Variants in MTDH observed in about 807,000 individuals in gnomAD.
The protein encoded by MTDH is protein LYRIC.
Under a neutral mutation model 72.7 loss-of-function variants are expected in MTDH, and 34 were observed. That is an observed-to-expected ratio of 0.47 (90% CI 0.36 to 0.62). The LOEUF is 0.62. Among genes scored for constraint, MTDH ranks in the 20% least tolerant of loss-of-function variants. The probability of loss-of-function intolerance (pLI) is 0.00; values close to 1 mark genes in which losing one functional copy is unlikely to be tolerated. For synonymous variants in MTDH, 266 were observed against 268.9 expected, an observed-to-expected ratio of 0.99 and a Z score of 0.10; for missense variants, 677 against 699.4, an observed-to-expected ratio of 0.97 and a Z score of 0.36.
intron 2 of MTDH, among the ~76,000 whole-genome samples, chr8:97,679,606 T>A (rs1375971738): frequency 2.0e-5 from 3 of 152,212 alleles, no homozygotes; most frequent in African/African-American, 7.2e-5. Context: ...ATGAATGCAT[T>A]TAGAAGATAT....
At chr8:97,694,775 T>C (rs1416716841) in intron 6 of MTDH, among the ~76,000 whole-genome samples, 1 of 151,858 alleles carries the variant, frequency 6.6e-6, no homozygotes, top group Non-Finnish European at 1.5e-5. Context: ...TACAAAAAAA[T>C]CGCTGGGCAT....
chr8:97,687,647 C>T, intron 4 of MTDH, 42 bp downstream of exon 4: 1 of 1,457,972 alleles, frequency 6.9e-7, no homozygotes, highest in Non-Finnish European at 9.2e-7. Context: ...TCAAATCAAA[C>T]TCCTTTTATT....
At position 97,725,908 on chromosome 8, in the gene MTDH, C is replaced by T. The variant is rs1278771777; in HGVS notation, c.*1238C>T. 4 of 152,452 alleles carry T rather than the reference C, an allele frequency of 2.6e-5. No individual in the cohort carries two copies. The highest frequency in any genetic ancestry group is 5.9e-5 in the Non-Finnish European group (4 of 68,016). 9.4% of individuals were successfully genotyped at this position (152,452 alleles called of 1,614,324 possible). A position where few individuals can be genotyped will look rare whatever the true frequency, so the allele number is the denominator to read the frequency against. ...TACACTGTAAATAGCCTTTACCAAA[C>T]GTGTTTGACAAGGACCATAATTAAC... On this transcript the variant is annotated 3_prime_UTR_variant, in exon 12 of 12. Coordinates refer to ENST00000336273, the MANE Select transcript of MTDH (RefSeq NM_178812.4).
chr8:97,680,798 T>A (rs1350443627), intron 2 of MTDH, among the ~76,000 whole-genome samples: 1 of 152,220 alleles, frequency 6.6e-6, no homozygotes, highest in Non-Finnish European at 1.5e-5. Context: ...TAATTTCAAA[T>A]GCTAGACAGG....
At chr8:97,671,211 C>G (rs1023772004) in intron 2 of MTDH, among the ~76,000 whole-genome samples, 6 of 152,024 alleles carry the variant, frequency 3.9e-5, no homozygotes, top group East Asian at 1.9e-4. Flanking sequence ...AGGTGATCCT[C>G]GTGTCTCGGC....
At chr8:97,692,238 TTA>T (rs2131012789) in intron 6 of MTDH, among the ~76,000 whole-genome samples, 1 of 152,376 alleles carries the variant, frequency 6.6e-6, no homozygotes, top group East Asian at 1.9e-4. Flanking sequence ...ATATGCATGT[TTA>T]TGTCTCCCCT....
intron 2 of MTDH, among the ~76,000 whole-genome samples, chr8:97,674,415 T>G (rs1160669017): frequency 6.6e-6 from 1 of 152,220 alleles, no homozygotes; most frequent in Non-Finnish European, 1.5e-5. Flanking sequence ...ACAAGGTTAC[T>G]AAGATGGAGA....
chr8:97,644,431 C>T lies in MTDH; in HGVS notation c.-76C>T. 6.7e-7 allele frequency: 1 copy of T among 1,491,976 alleles called. No individual in the cohort carries two copies. Among genetic ancestry groups the T allele is most frequent in the Non-Finnish European group, 8.9e-7 (1 of 1,129,218 alleles). 92.4% of individuals were successfully genotyped at this position (1,491,976 alleles called of 1,614,324 possible). A position where few individuals can be genotyped will look rare whatever the true frequency, so the allele number is the denominator to read the frequency against. On this transcript the variant is annotated 5_prime_UTR_variant, in exon 1 of 12. Coordinates refer to ENST00000336273, the MANE Select transcript of MTDH (RefSeq NM_178812.4). ...CCTGAGGTTACCCGGCCCGGCCCTT[C>T]CTCGCTTCCCTCGACTATTCCACTG... is the stretch of plus-strand genomic sequence containing the variant.
chr8:97,718,726 A>G (rs533685829), intron 9 of MTDH, among the ~76,000 whole-genome samples: 1 of 148,802 alleles, frequency 6.7e-6, no homozygotes, highest in Non-Finnish European at 1.5e-5. Context: ...TTTTTCTTTG[A>G]GACAGAATCA....
At chr8:97,660,253 A>G (rs1812126172) in intron 1 of MTDH, among the ~76,000 whole-genome samples, 2 of 152,236 alleles carry the variant, frequency 1.3e-5, no homozygotes, top group Non-Finnish European at 2.9e-5. Context: ...AGTGCTATCC[A>G]TCATTTTATT....
intron 2 of MTDH, 57 bp downstream of exon 2, chr8:97,661,230 G>T: frequency 8.0e-7 from 1 of 1,254,108 alleles, no homozygotes; most frequent in Non-Finnish European, 1.1e-6. Flanking sequence ...TGACATATAA[G>T]GATAATGCTT....
chr8:97,713,831 T>C, intron 9 of MTDH, 62 bp downstream of exon 9: 3 of 895,440 alleles, frequency 3.4e-6, no homozygotes, highest in Non-Finnish European at 4.9e-6. Flanking sequence ...GAAAAGATTA[T>C]GTACAGATGT....
At chr8:97,672,784 GA>G (rs1738144012) in intron 2 of MTDH, among the ~76,000 whole-genome samples, 1 of 152,212 alleles carries the variant, frequency 6.6e-6, no homozygotes, top group Non-Finnish European at 1.5e-5. Context: ...GGGAATGTGA[GA>G]ACCGTATCTG....
At chr8:97,647,800 C>A (rs1811621649) in intron 1 of MTDH, among the ~76,000 whole-genome samples, 1 of 152,056 alleles carries the variant, frequency 6.6e-6, no homozygotes, top group African/African-American at 2.4e-5. Context: ...ATGCTTGGGC[C>A]AGGCACAGTG....
intron 6 of MTDH, among the ~76,000 whole-genome samples, chr8:97,694,959 C>G (rs912006228): frequency 6.6e-6 from 1 of 152,002 alleles, no homozygotes. Flanking sequence ...TAAATTCCCA[C>G]TCTCATTTTT....
chr8:97,666,553 A>G (rs575291344), intron 2 of MTDH, among the ~76,000 whole-genome samples: 1 of 152,296 alleles, frequency 6.6e-6, no homozygotes, highest in African/African-American at 2.4e-5. Flanking sequence ...CCTGAAGGCA[A>G]AACTATTTTC....
intron 9 of MTDH, 131 bp downstream of exon 9, chr8:97,713,900 C>T (rs990443403): frequency 8.6e-6 from 4 of 462,924 alleles, no homozygotes; most frequent in Non-Finnish European, 1.5e-5. Flanking sequence ...AAATCATAGA[C>T]TGTTTTACAT....
chr8:97,661,029 G>A (rs770662596), intron 1 of MTDH, 43 bp from the exon 2 acceptor site: 1 of 1,487,530 alleles, frequency 6.7e-7, no homozygotes, highest in Non-Finnish European at 9.3e-7. Flanking sequence ...GCACTGATCT[G>A]CTAAGCAGTT....
chr8:97,691,230 A>C, intron 6 of MTDH, 42 bp downstream of exon 6: 1 of 1,359,384 alleles, frequency 7.4e-7, no homozygotes, highest in Non-Finnish European at 1.0e-6. Flanking sequence ...TAAAATTACT[A>C]ATCTTGTACA....
Sources: gnomAD v4.1 joint callset for allele counts (sites outside exome capture counted in the v4.1 genomes callset) on GRCh38, gnomAD v4.1.1 for gene constraint, MANE v1.5 for transcripts, NCBI Gene and HGNC (gene_info 2026-07-23, HGNC 2026-07-21) for gene names.